Variants in JARID2 observed in about 807,000 individuals in gnomAD.
The protein encoded by JARID2 is protein Jumonji.
Under a neutral mutation model 125.6 loss-of-function variants are expected in JARID2, and 21 were observed. The ratio of observed to expected loss-of-function variants is 0.17; its 90% CI spans 0.12 to 0.24. The LOEUF is 0.24. Among genes scored for constraint, JARID2 ranks in the 10% least tolerant of loss-of-function variants. The pLI is 1.00. For missense variants in JARID2, 1,303 were observed against 1,639.6 expected (o/e 0.79, Z 3.55); for synonymous variants, 736 against 661.6 (o/e 1.11, Z -1.73).
rs1759193973 is a variant in JARID2 at position 15,246,689 on chromosome 6, T to A, written c.45+105T>A. 11 of 985,678 alleles carry A rather than the reference T, an allele frequency of 1.1e-5. No homozygotes were observed. The East Asian group carries it at 2.7e-4, about 24-fold the overall frequency. The allele number at this position is 985,678 out of a possible 1,614,324, so 61.1% of individuals were successfully genotyped here. ...CCTCTGAAGGGTTTTAAACACAGCG[T>A]CCGATAAGGCTGTTTCTTTTTTTTC... On this transcript the variant is annotated intron_variant, in intron 1 of 17. Transcript: ENST00000341776.
intron 1 of JARID2, among the ~76,000 whole-genome samples, chr6:15,303,419 C>T (rs1452515687): frequency 6.6e-6 from 1 of 152,250 alleles, no homozygotes; most frequent in African/African-American, 2.4e-5. Context: ...TAATCCTGCA[C>T]GGGCAGTGTG....
chr6:15,344,368 T>A (rs1283290079), intron 1 of JARID2, among the ~76,000 whole-genome samples: 1 of 151,718 alleles, frequency 6.6e-6, no homozygotes. Context: ...GGATGTGGAG[T>A]GTGTGTGGCT....
intron 3 of JARID2, among the ~76,000 whole-genome samples, chr6:15,418,970 A>G (rs1766362504): frequency 6.6e-6 from 1 of 152,204 alleles, no homozygotes; most frequent in Non-Finnish European, 1.5e-5. Context: ...GATAAGCCCA[A>G]ATGTATACGA....
rs1412075771 is a variant in JARID2, at chr6:15,497,160, C to T, written c.1935C>T (p.Leu645=). Residue 645 remains leucine, a synonymous_variant, in exon 7 of 18, where the codon CTC becomes CTT. Coordinates refer to ENST00000341776, the MANE Select transcript of JARID2 (RefSeq NM_004973.4). ...LKSQGITMDE[L]PLIGGCELDL... ...CTCAGGGCATCACCATGGACGAGCTCCCGCTCATAGGTAGGTCTGGGCGGG... is the reference window on the plus strand; with the variant it reads ...CTCAGGGCATCACCATGGACGAGCTTCCGCTCATAGGTAGGTCTGGGCGGG... 5 of 1,548,020 alleles carry T rather than the reference C, an allele frequency of 3.2e-6. No individual in the cohort carries two copies. The highest frequency in any genetic ancestry group is 4.4e-6 in the Non-Finnish European group (5 of 1,145,054).
At chr6:15,494,812 A>G (rs1427091446) in intron 6 of JARID2, among the ~76,000 whole-genome samples, 1 of 152,158 alleles carries the variant, frequency 6.6e-6, no homozygotes, top group Admixed American at 6.5e-5. Flanking sequence ...TCCCCATGTG[A>G]CAGCAGCCTG....
chr6:15,453,553 G>A (rs1218832537), intron 4 of JARID2, among the ~76,000 whole-genome samples: 1 of 152,182 alleles, frequency 6.6e-6, no homozygotes, highest in East Asian at 1.9e-4. Context: ...AAAGTTGCCC[G>A]TCTCAGCCTT....
intron 1 of JARID2, among the ~76,000 whole-genome samples, chr6:15,285,950 C>G (rs1427961084): frequency 6.6e-6 from 1 of 152,200 alleles, no homozygotes; most frequent in Admixed American, 6.5e-5. Flanking sequence ...CAACAACCTG[C>G]AATTTCTGAT....
chr6:15,497,249 GTTCTC>G (rs1770494018), intron 7 of JARID2, 79 bp downstream of exon 7: 1 of 1,117,200 alleles, frequency 9.0e-7, no homozygotes, highest in African/African-American at 1.6e-5. Flanking sequence ...CAGTCTTCAC[GTTCTC>G]TTCCCTTGCG....
intron 3 of JARID2, among the ~76,000 whole-genome samples, chr6:15,415,378 C>T (rs1468610819): frequency 3.3e-5 from 5 of 151,828 alleles, no homozygotes; most frequent in Non-Finnish European, 7.4e-5. Context: ...TCCTCACTTC[C>T]CTGTAGGGGC....
At chr6:15,301,026 G>A (rs991616015) in intron 1 of JARID2, among the ~76,000 whole-genome samples, 7 of 152,200 alleles carry the variant, frequency 4.6e-5, no homozygotes, top group Admixed American at 4.6e-4. Flanking sequence ...AGGTAAGATT[G>A]CAAATGTAGT....
intron 1 of JARID2, among the ~76,000 whole-genome samples, chr6:15,284,294 A>C (rs1760908963): frequency 6.6e-6 from 1 of 152,126 alleles, no homozygotes; most frequent in Non-Finnish European, 1.5e-5. Context: ...CATATTATGG[A>C]TGTCTTAGGG....
chr6:15,247,537 T>TC, intron 1 of JARID2: 1 of 982,756 alleles, frequency 1.0e-6, no homozygotes, highest in Non-Finnish European at 1.2e-6. Flanking sequence ...ATAACTCTTT[T>TC]TTTTTTTCAA....
chr6:15,455,553 A>G (rs1231812584), intron 4 of JARID2, among the ~76,000 whole-genome samples: 1 of 152,058 alleles, frequency 6.6e-6, no homozygotes, highest in African/African-American at 2.4e-5. Flanking sequence ...GTTTTTTGAG[A>G]CAGAGTCTCA....
intron 4 of JARID2, among the ~76,000 whole-genome samples, chr6:15,456,446 A>G (rs1278865982): frequency 6.6e-6 from 1 of 152,168 alleles, no homozygotes; most frequent in Admixed American, 6.5e-5. Flanking sequence ...TTGGAAATGA[A>G]TTTCATATAT....
intron 2 of JARID2, among the ~76,000 whole-genome samples, chr6:15,401,377 T>C (rs1353040173): frequency 6.6e-6 from 1 of 152,226 alleles, no homozygotes; most frequent in Non-Finnish European, 1.5e-5. Context: ...ACTTTAGACA[T>C]TTCTCTGGAG....
chr6:15,458,367 G>A (rs1259990952), intron 4 of JARID2, among the ~76,000 whole-genome samples: 2 of 152,174 alleles, frequency 1.3e-5, no homozygotes, highest in Non-Finnish European at 2.9e-5. Context: ...TATGACCGTG[G>A]GCATCACAGT....
At chr6:15,331,700 T>A (rs533563730) in intron 1 of JARID2, among the ~76,000 whole-genome samples, 7 of 152,102 alleles carry the variant, frequency 4.6e-5, no homozygotes, top group African/African-American at 1.7e-4. Flanking sequence ...ACCCCGACTC[T>A]ACAAAAATTA....
intron 2 of JARID2, among the ~76,000 whole-genome samples, chr6:15,378,491 TCA>T (rs1236932251): frequency 6.6e-6 from 1 of 152,070 alleles, no homozygotes; most frequent in African/African-American, 2.4e-5. Flanking sequence ...GCCCTGGCAC[TCA>T]GAGACTCTCA....
At chr6:15,434,411 GGA>G (rs572864623) in intron 3 of JARID2, among the ~76,000 whole-genome samples, 107 of 152,268 alleles carry the variant, frequency 7.0e-4, no homozygotes, top group Non-Finnish European at 1.4e-3. Flanking sequence ...GAGCTGATGG[GGA>G]GAGAGATTTT....
Sources: gnomAD v4.1 joint callset for allele counts (sites outside exome capture counted in the v4.1 genomes callset) on GRCh38, gnomAD v4.1.1 for gene constraint, MANE v1.5 for transcripts, NCBI Gene and HGNC (gene_info 2026-07-23, HGNC 2026-07-21) for gene names.